UGT1A5: variants seen among roughly 807,000 people sequenced by gnomAD.
UGT1A5 encodes UDP glucuronosyltransferase family 1 member A5, also known as UDP-glucuronosyltransferase 1A5.
UGT1A5 carries 29 observed loss-of-function variants against 40.3 expected under a neutral mutation model. The observed-to-expected ratio is 0.72, with a 90% confidence interval of 0.54 to 0.98. The LOEUF (loss-of-function observed/expected upper bound fraction) is 0.98. UGT1A5 is among the 50% of genes least tolerant of loss of function. The pLI, the probability that UGT1A5 is intolerant of heterozygous loss-of-function variation, is 0.00. For synonymous variants in UGT1A5, 257 were observed against 262.5 expected (o/e 0.98, Z 0.20); for missense variants, 678 against 677.9 (o/e 1.00, Z 0.00).
chr2:233,754,665 AT>A (rs752229414), intron 1 of UGT1A5: 3 of 465,408 alleles, frequency 6.4e-6, no homozygotes, highest in South Asian at 1.5e-5. Flanking sequence ...CTTGGTGGTG[AT>A]TTTTTTACCA....
At position 233,772,561 on chromosome 2, in the gene UGT1A5, A is replaced by C. The variant is rs1287050195; in HGVS notation, c.*2A>C. On this transcript the variant is annotated 3_prime_UTR_variant, in exon 5 of 5. Transcript: ENST00000373414. ...GCCCACAAATCCAAGACCCATTGAG[A>C]AGTGGGTGGGAAATAAGGTAAAATT... The C allele has an allele frequency of 1.2e-6, 2 of 1,613,586 alleles. No individual in the cohort carries two copies. Among genetic ancestry groups the C allele is most frequent in the Non-Finnish European group, 1.7e-6 (2 of 1,179,766 alleles).
intron 1 of UGT1A5, among the ~76,000 whole-genome samples, chr2:233,750,295 C>T (rs1409213003): frequency 3.3e-5 from 5 of 151,894 alleles, no homozygotes; most frequent in African/African-American, 1.2e-4. Context: ...GCATTTTGCC[C>T]CTGCCCTAGA....
intron 1 of UGT1A5, among the ~76,000 whole-genome samples, chr2:233,756,600 G>A (rs1331506160): frequency 6.6e-6 from 1 of 152,122 alleles, no homozygotes; most frequent in Non-Finnish European, 1.5e-5. Flanking sequence ...TTACTGTATC[G>A]AAACCATTAA....
At chr2:233,715,665 G>A (rs1198946801) in intron 1 of UGT1A5, among the ~76,000 whole-genome samples, 6 of 152,076 alleles carry the variant, frequency 3.9e-5, no homozygotes, top group Non-Finnish European at 7.4e-5. Context: ...CCAGCTACTC[G>A]GGAGGCTGAG....
In UGT1A5 at chr2:233,713,045, T is replaced by A; in HGVS notation, c.54T>A (p.Leu18=). ...CGCAGCTGGCCACAGGACTGCTGCT[T>A]CTCCTCAGTGTCCAGCCCTGGGCTG... ...PLPQLATGLL[L]LLSVQPWAES... The change falls in exon 1 of 5, where the codon CTT becomes CTA. Residue 18 remains leucine, a synonymous_variant. Coordinates refer to ENST00000373414, the MANE Select transcript of UGT1A5 (RefSeq NM_019078.2). 6.2e-7 allele frequency: 1 copy of A among 1,614,044 alleles called. No homozygotes were observed. Among genetic ancestry groups the A allele is most frequent in the East Asian group, 2.2e-5 (1 of 44,874 alleles).
At chr2:233,744,762 A>G (rs1310047679) in intron 1 of UGT1A5, among the ~76,000 whole-genome samples, 12 of 151,872 alleles carry the variant, frequency 7.9e-5, no homozygotes, top group Non-Finnish European at 4.4e-5. Flanking sequence ...AAATAGTTTT[A>G]ACTTTGCAAA....
rs1413528689 is a variant in UGT1A5, at chr2:233,768,429, A to G, written c.1297A>G (p.Asn433Asp). Residue 433 changes from asparagine to aspartate, a missense_variant, in exon 4 of 5, where the codon AAT becomes GAT. By Grantham distance (23) the Asn-to-Asp change is conservative. Transcript: ENST00000373414. Reference protein sequence around the residue: ...DLENALKAVINDKSYKENIMR... With the variant: ...DLENALKAVIDDKSYKENIMR... ...AGAAAATGCTCTAAAAGCAGTCATC[A>G]ATGACAAAAGGTAAGAAAGAAGATA... is the stretch of plus-strand genomic sequence containing the variant. The G allele has an allele frequency of 6.8e-6, 11 of 1,614,042 alleles. No homozygotes were observed. The highest frequency in any genetic ancestry group is 9.3e-6 in the Non-Finnish European group (11 of 1,179,964).
chr2:233,713,981 G>T (rs2076360150), intron 1 of UGT1A5, 123 bp downstream of exon 1: 1 of 1,588,484 alleles, frequency 6.3e-7, no homozygotes, highest in Non-Finnish European at 8.6e-7. Context: ...GCTTCTCATT[G>T]TTGTAATAGT....
At chr2:233,725,472 G>A (rs2125714310) in intron 1 of UGT1A5, among the ~76,000 whole-genome samples, 1 of 152,100 alleles carries the variant, frequency 6.6e-6, no homozygotes, top group East Asian at 1.9e-4. Context: ...TAGTGGGCAT[G>A]TTAGAAACCA....
At chr2:233,755,786 A>T (rs1696022077) in intron 1 of UGT1A5, 1 of 152,524 alleles carries the variant, frequency 6.6e-6, no homozygotes, top group Non-Finnish European at 1.5e-5. Flanking sequence ...TGCCTATCAT[A>T]TGTACTGCAT....
intron 1 of UGT1A5, among the ~76,000 whole-genome samples, chr2:233,715,015 TACAGGCGCATGGCACC>T (rs1363692546): frequency 6.6e-6 from 1 of 152,224 alleles, no homozygotes; most frequent in African/African-American, 2.4e-5. Flanking sequence ...TAGCTGGAAC[TACAGGCGCATGGCACC>T]ACATCCAGCT....
intron 1 of UGT1A5, chr2:233,743,573 A>C (rs765598613): frequency 7.3e-7 from 1 of 1,367,260 alleles, no homozygotes; most frequent in Non-Finnish European, 9.8e-7. Context: ...CGGGTTTCCC[A>C]AGAGGTCAAA....
At chr2:233,760,316 C>T in intron 1 of UGT1A5, 1 of 1,614,002 alleles carries the variant, frequency 6.2e-7, no homozygotes, top group South Asian at 1.1e-5. Flanking sequence ...GGCGGACGCC[C>T]ACTTGTCCTG....
At chr2:233,758,820 C>A (rs1028156613) in intron 1 of UGT1A5, among the ~76,000 whole-genome samples, 1 of 152,084 alleles carries the variant, frequency 6.6e-6, no homozygotes, top group African/African-American at 2.4e-5. Flanking sequence ...GCAGTATATC[C>A]CCCCCAAAAA....
rs1374250230 is a variant in UGT1A5, at chr2:233,725,069, C to T, written c.867+11211C>T. 4.1e-5 allele frequency among the ~76,000 whole-genome samples: 6 copies of T among 146,562 alleles called. 2 individuals carry two copies. Among genetic ancestry groups the T allele is most frequent in the Admixed American group, 2.7e-4 (4 of 14,618 alleles). ...AGGCGTGGCGGCGCGCGCCTGCAAT[C>T]GCAGGCACTCGGCAGGCTGAGGCAG... On this transcript the variant is annotated intron_variant, in intron 1 of 4. Transcript: ENST00000373414.
intron 1 of UGT1A5, among the ~76,000 whole-genome samples, chr2:233,756,671 T>G (rs1269369831): frequency 6.6e-6 from 1 of 152,214 alleles, no homozygotes; most frequent in Admixed American, 6.5e-5. Flanking sequence ...TTATTTCCGC[T>G]AGAACTGCTA....
Position 233,713,285 on chromosome 2 carries a change from A to T in UGT1A5, c.294A>T (p.Gln98His). 1 of 1,614,230 alleles carries T rather than the reference A, an allele frequency of 6.2e-7. No individual in the cohort carries two copies. ...EFDRLLLGHT[Q>H]SFFETEHLLM... ...ATCGCCTTTTGCTGGGTCACACTCA[A>T]TCGTTCTTTGAAACAGAACATCTTC... Residue 98 changes from glutamine to histidine, a missense_variant, in exon 1 of 5, where the codon CAA (glutamine) becomes CAT (histidine). Physicochemically the swap from Gln to His is conservative, Grantham distance 24 (BLOSUM62 0). Transcript: ENST00000373414.
chr2:233,730,912 A>G (rs941087892), intron 1 of UGT1A5, among the ~76,000 whole-genome samples: 20 of 152,310 alleles, frequency 1.3e-4, no homozygotes, highest in African/African-American at 1.9e-4. Context: ...CAAAAATTTC[A>G]GAGGCAGCTT....
At chr2:233,746,073 G>A (rs1049176727) in intron 1 of UGT1A5, among the ~76,000 whole-genome samples, 4 of 151,780 alleles carry the variant, frequency 2.6e-5, no homozygotes, top group Admixed American at 6.6e-5. Flanking sequence ...AAGAGAAGAG[G>A]AGTCACTTCT....
Sources: gnomAD v4.1 joint callset for allele counts (sites outside exome capture counted in the v4.1 genomes callset) on GRCh38, gnomAD v4.1.1 for gene constraint, MANE v1.5 for transcripts, NCBI Gene and HGNC (gene_info 2026-07-23, HGNC 2026-07-21) for gene names.